The following PLXNA2 variants were observed in gnomAD, a reference collection of about 807,000 sequenced individuals.
PLXNA2 encodes the protein plexin-A2.
In PLXNA2, 91 loss-of-function variants were observed where a neutral mutation model predicts 193.5. That is an observed-to-expected ratio of 0.47 (90% CI 0.40 to 0.56). The LOEUF is 0.56. PLXNA2 is among the 20% of genes least tolerant of loss of function. The pLI is 0.00. For missense variants in PLXNA2, 1,995 were observed against 2,503.2 expected, an observed-to-expected ratio of 0.80 and a Z score of 4.33; for synonymous variants, 997 against 1,027.3, an observed-to-expected ratio of 0.97 and a Z score of 0.56.
chr1:208,031,316 C>T, intron 29 of PLXNA2: 14 of 1,281,002 alleles, frequency 1.1e-5, no homozygotes, highest in Non-Finnish European at 1.4e-5. Flanking sequence ...GGAGGAGGCT[C>T]TTCTTGGGGT....
In PLXNA2 at chr1:208,163,413, G is replaced by C. The variant is rs1395481150; in HGVS notation, c.1372-20950C>G. Among the ~76,000 whole-genome samples the C allele has an allele frequency of 2.0e-5, 3 of 152,292 alleles. No homozygotes were observed. The East Asian group carries it at 5.8e-4, about 29-fold the overall frequency. ...GGGAGGTGGAAAGGAGGGCAGGTGAGGGAAAAGATGAACAGACAAGATTTG... is the reference window on the plus strand; with the variant it reads ...GGGAGGTGGAAAGGAGGGCAGGTGACGGAAAAGATGAACAGACAAGATTTG... On this transcript the variant is annotated intron_variant, in intron 3 of 31. Transcript: ENST00000367033.
intron 3 of PLXNA2, among the ~76,000 whole-genome samples, chr1:208,209,743 A>G (rs2102597877): frequency 6.6e-6 from 1 of 152,232 alleles, no homozygotes; most frequent in South Asian, 2.1e-4. Context: ...TGATTGCAGG[A>G]AGAGGAAAGA....
intron 3 of PLXNA2, among the ~76,000 whole-genome samples, chr1:208,144,891 G>C (rs1668560270): frequency 6.6e-6 from 1 of 151,974 alleles, no homozygotes; most frequent in Non-Finnish European, 1.5e-5. Flanking sequence ...AGTCAGCAAT[G>C]GTGTTACACG....
intron 12 of PLXNA2, among the ~76,000 whole-genome samples, chr1:208,063,368 G>A (rs143241300): frequency 1.2e-4 from 18 of 152,322 alleles, no homozygotes; most frequent in African/African-American, 4.1e-4. Flanking sequence ...ACACATGGTC[G>A]TGGGCACTGG....
At chr1:208,198,189 T>TC (rs1558239810) in intron 3 of PLXNA2, among the ~76,000 whole-genome samples, 1 of 152,064 alleles carries the variant, frequency 6.6e-6, no homozygotes, top group Non-Finnish European at 1.5e-5. Flanking sequence ...TTTGGGCCCA[T>TC]CCCCCCAGCA....
At chr1:208,088,556 C>T (rs1336461790) in intron 9 of PLXNA2, among the ~76,000 whole-genome samples, 1 of 152,264 alleles carries the variant, frequency 6.6e-6, no homozygotes, top group Non-Finnish European at 1.5e-5. Context: ...CTCCCGTGCA[C>T]ACCCGCTTGC....
intron 3 of PLXNA2, among the ~76,000 whole-genome samples, chr1:208,193,306 G>A (rs1266582276): frequency 6.6e-6 from 1 of 152,162 alleles, no homozygotes; most frequent in Non-Finnish European, 1.5e-5. Flanking sequence ...TAGCCCTAGG[G>A]CCCCTTGGTG....
intron 4 of PLXNA2, among the ~76,000 whole-genome samples, chr1:208,106,921 A>C (rs1667288333): frequency 6.6e-6 from 1 of 152,246 alleles, no homozygotes; most frequent in African/African-American, 2.4e-5. Context: ...GAACCATATA[A>C]GCAGACACTG....
In PLXNA2 at chr1:208,030,175, C is replaced by T. The variant is rs570999557; in HGVS notation, c.5226-1133G>A. Reference sequence around the variant, plus strand: ...TCTAGCCTGGGAGAAGCTGCTGCAGCTGAGAGCTGACTCATCTCTTCTACC... The same window carrying T: ...TCTAGCCTGGGAGAAGCTGCTGCAGTTGAGAGCTGACTCATCTCTTCTACC... On this transcript the variant is annotated intron_variant, in intron 29 of 31. Transcript: ENST00000367033. The T allele has an allele frequency of 6.6e-5, 65 of 985,604 alleles. No homozygotes were observed. In the South Asian group the frequency reaches 2.6e-3, roughly 40 times the overall value. The allele number at this position is 985,604 out of a possible 1,614,324, so 61.1% of individuals were successfully genotyped here.
At position 208,044,448 on chromosome 1, in the gene PLXNA2, A is replaced by G; in HGVS notation, c.3874+60T>C. On this transcript the variant is annotated intron_variant, in intron 20 of 31. Coordinates refer to ENST00000367033, the MANE Select transcript of PLXNA2 (RefSeq NM_025179.4). The surrounding 1 kb of genome is among the most constrained non-coding windows in gnomAD (Gnocchi z 4.9). ...AAGATAGGAGTTGTCTGCAGGGAGA[A>G]GGGCAATAAGGCAGGTGGAGAAAGA... is the stretch of plus-strand genomic sequence containing the variant. 1 of 1,170,448 alleles carries G rather than the reference A, an allele frequency of 8.5e-7. No individual in the cohort carries two copies. The highest frequency in any genetic ancestry group is 1.3e-6 in the Non-Finnish European group (1 of 781,528). 72.5% of individuals were successfully genotyped at this position (1,170,448 alleles called of 1,614,324 possible).
At chr1:208,226,977 G>A (rs1040335894) in intron 1 of PLXNA2, among the ~76,000 whole-genome samples, 11 of 152,206 alleles carry the variant, frequency 7.2e-5, no homozygotes, top group Admixed American at 2.0e-4. Flanking sequence ...AACGGAGTCC[G>A]AGAAAGGTCA....
intron 9 of PLXNA2, among the ~76,000 whole-genome samples, chr1:208,088,643 T>C (rs561964379): frequency 1.5e-4 from 23 of 152,374 alleles, no homozygotes; most frequent in Non-Finnish European, 2.4e-4. Context: ...TGCTGTGCTC[T>C]GAGTGCTGGA....
chr1:208,167,297 C>G (rs980614292), intron 3 of PLXNA2, among the ~76,000 whole-genome samples: 1 of 152,146 alleles, frequency 6.6e-6, no homozygotes, highest in African/African-American at 2.4e-5. Flanking sequence ...CTCTCCCACA[C>G]CCCCCTCACA....
intron 3 of PLXNA2, among the ~76,000 whole-genome samples, chr1:208,176,945 C>T (rs144246148): frequency 3.5e-4 from 53 of 152,296 alleles, no homozygotes; most frequent in African/African-American, 1.2e-3. Flanking sequence ...ACCACGGTGC[C>T]GGTGCCTTTG....
rs778485154 is a variant in PLXNA2, at chr1:208,103,136, C to A, written c.1607+11G>T. ...CATGCCAAACCCTTTTCCAGTATAC[C>A]CCAAACTTACATGTTGTGCAGGGCA... On this transcript the variant is annotated intron_variant, in intron 5 of 31. Transcript: ENST00000367033. 2 of 1,606,126 alleles carry A rather than the reference C, an allele frequency of 1.2e-6. No individual in the cohort carries two copies. Among genetic ancestry groups the A allele is most frequent in the Admixed American group, 3.3e-5 (2 of 59,992 alleles).
intron 3 of PLXNA2, among the ~76,000 whole-genome samples, chr1:208,148,347 A>T (rs1397329571): frequency 6.6e-6 from 1 of 152,190 alleles, no homozygotes; most frequent in Non-Finnish European, 1.5e-5. Context: ...TCTTAGTAGC[A>T]AAGAGATTGG....
intron 12 of PLXNA2, among the ~76,000 whole-genome samples, chr1:208,066,658 A>C (rs957990931): frequency 9.5e-5 from 11 of 115,740 alleles, no homozygotes; most frequent in African/African-American, 3.3e-4. Context: ...TACTCCTTCT[A>C]CTTATTTAAA....
chr1:208,146,793 A>T (rs1286463315), intron 3 of PLXNA2, among the ~76,000 whole-genome samples: 1 of 152,190 alleles, frequency 6.6e-6, no homozygotes, highest in Non-Finnish European at 1.5e-5. Flanking sequence ...CAGGCAGCGG[A>T]GGATACTGGA....
At chr1:208,096,008 C>A in intron 8 of PLXNA2, 21 bp downstream of exon 8, 1 of 1,582,904 alleles carries the variant, frequency 6.3e-7, no homozygotes, top group Admixed American at 1.7e-5. Flanking sequence ...CAGAGCAAGA[C>A]CCTTTCTAAT....
Sources: allele counts gnomAD v4.1 joint callset (sites outside exome capture counted in the v4.1 genomes callset), GRCh38; gene constraint gnomAD v4.1.1; non-coding constraint Gnocchi (gnomAD v3.1); transcripts MANE v1.5; gene names NCBI Gene and HGNC (gene_info 2026-07-23, HGNC 2026-07-21).